Variants in ADGRG1 observed in about 807,000 individuals in gnomAD.
The protein encoded by ADGRG1 is adhesion G protein-coupled receptor G1, also known as 7-transmembrane protein with no EGF-like N-terminal domains-1.
In ADGRG1, 53 loss-of-function variants were observed where a neutral mutation model predicts 73.5. The ratio of observed to expected loss-of-function variants is 0.72; its 90% confidence interval spans 0.58 to 0.91. The LOEUF (loss-of-function observed/expected upper bound fraction) is 0.91. ADGRG1 is among the 40% of genes least tolerant of loss of function. ADGRG1 has a pLI of 0.00. For missense variants in ADGRG1, 795 were observed against 871.8 expected (o/e 0.91, Z 1.11); for synonymous variants, 394 against 374.4 (o/e 1.05, Z -0.60).
chr16:57,650,344 G>T lies in ADGRG1; in HGVS notation c.57G>T (p.Leu19=). The T allele has an allele frequency of 1.2e-6, 2 of 1,612,468 alleles. No individual in the cohort carries two copies. The highest frequency in any genetic ancestry group is 1.7e-6 in the Non-Finnish European group (2 of 1,178,504). ...TTLFLLSLLF[L]VQGAHGRGHR... is the part of the protein sequence containing the mutation. The stretch of plus-strand genomic sequence containing the variant: ...TGTTCCTGCTGAGTCTGCTCTTCCT[G>T]GTCCAAGGCAGGTCTTCCCAGGGGT... The change falls in exon 2 of 14, where the codon CTG becomes CTT. Residue 19 remains leucine (L), a synonymous_variant. Coordinates refer to ENST00000562631, the MANE Select transcript of ADGRG1 (RefSeq NM_201525.4).
chr16:57,636,689 C>A (rs2039455679), intron 1 of ADGRG1: 1 of 985,112 alleles, frequency 1.0e-6, no homozygotes, highest in East Asian at 1.1e-4. Context: ...CCTGCCTGCC[C>A]TGGGTTAGAG....
upstream of ADGRG1, among the ~76,000 whole-genome samples, chr16:57,624,454 T>C (rs1027715541): frequency 1.3e-5 from 2 of 152,122 alleles, no homozygotes; most frequent in South Asian, 2.1e-4. Flanking sequence ...AGAGCTATGA[T>C]TGCATCACTA....
intron 1 of ADGRG1, chr16:57,639,583 A>G: frequency 2.0e-6 from 2 of 985,396 alleles, no homozygotes; most frequent in South Asian, 4.7e-5. Context: ...CCAGCCCCGC[A>G]GGCTACTGCC....
upstream of ADGRG1, chr16:57,620,755 CAGG>C (rs1263358680): frequency 6.6e-6 from 1 of 152,386 alleles, no homozygotes; most frequent in Non-Finnish European, 1.5e-5. Flanking sequence ...CTGCAAGAGG[CAGG>C]AGGAGAACTT....
At chr16:57,646,505 G>A (rs951032741) in intron 1 of ADGRG1, 8 of 985,342 alleles carry the variant, frequency 8.1e-6, no homozygotes, top group Non-Finnish European at 9.6e-6. Flanking sequence ...AAGGTCTGAG[G>A]TCAAGGGCGG....
intron 6 of ADGRG1, 77 bp downstream of exon 6, chr16:57,655,607 T>C: frequency 6.2e-7 from 1 of 1,606,102 alleles, no homozygotes; most frequent in Non-Finnish European, 8.5e-7. Flanking sequence ...GGCACGCAGA[T>C]GAGCTCCTTC....
In ADGRG1 at chr16:57,663,628, G is replaced by A. The variant is rs201611287; in HGVS notation, c.*46G>A. The A allele has an allele frequency of 3.9e-4, 621 of 1,597,006 alleles. No individual in the cohort carries two copies. In the African/African-American group the frequency reaches 7.0e-3, roughly 18 times the overall value. The stretch of plus-strand genomic sequence containing the variant: ...TGTGATGAAGCAGAGATTCGGCCTC[G>A]TCGCACACTGCCTGTGGCCCCCGAG... On this transcript the variant is annotated 3_prime_UTR_variant, in exon 14 of 14. Coordinates refer to ENST00000562631, the MANE Select transcript of ADGRG1 (RefSeq NM_201525.4).
intron 1 of ADGRG1, chr16:57,644,077 C>A (rs1160320696): frequency 2.0e-6 from 2 of 985,244 alleles, no homozygotes; most frequent in African/African-American, 3.5e-5. Context: ...GGAGGAAACA[C>A]CTGCAAGAGC....
chr16:57,651,911 T>G (rs1010959110), intron 3 of ADGRG1: 5 of 1,383,062 alleles, frequency 3.6e-6, no homozygotes, highest in Non-Finnish European at 4.7e-6. Flanking sequence ...GCAGAGAAGG[T>G]CTTGGTGAAG....
intron 3 of ADGRG1, chr16:57,651,998 T>G (rs1366787253): frequency 1.6e-6 from 2 of 1,212,476 alleles, no homozygotes; most frequent in East Asian, 9.9e-5. Flanking sequence ...GAAGAATTCT[T>G]CCTCAGCATC....
Position 57,655,832 on chromosome 16 carries a change from C to T in ADGRG1, c.901-44C>T, listed in dbSNP as rs757468823. On this transcript the variant is annotated intron_variant, in intron 6 of 13. Transcript: ENST00000562631. ...GGCTTCTGGGCCCTTCTTCTCAGTC[C>T]TGAACTCCCTCCCTACTCTCTTCCT... 3 of 1,613,802 alleles carry T rather than the reference C, an allele frequency of 1.9e-6. No homozygotes were observed. The African/African-American group carries it at 4.0e-5, about 22-fold the overall frequency.
intron 1 of ADGRG1, chr16:57,629,926 G>C: frequency 1.3e-6 from 1 of 777,850 alleles, no homozygotes; most frequent in Non-Finnish European, 1.6e-6. Flanking sequence ...ATTTTACTGC[G>C]TAGGGAGGAG....
chr16:57,625,435 G>T (rs551622614), upstream of ADGRG1: 11 of 227,860 alleles, frequency 4.8e-5, no homozygotes, highest in East Asian at 5.5e-4. Context: ...GTCGGGTTGT[G>T]GGGGGTGGGG....
At chr16:57,622,770 G>T, upstream of ADGRG1, 1 of 985,288 alleles carries the variant, frequency 1.0e-6, no homozygotes, top group Non-Finnish European at 1.2e-6. Context: ...TTAGGAAGAC[G>T]GGGCGGCCAC....
intron 1 of ADGRG1, chr16:57,644,970 G>A (rs1431461421): frequency 1.6e-6 from 1 of 629,526 alleles, no homozygotes; most frequent in South Asian, 7.1e-5. Context: ...ACTCATGCAT[G>A]GGCACACACC....
At chr16:57,628,380 C>A, upstream of ADGRG1, 2 of 410,230 alleles carry the variant, frequency 4.9e-6, no homozygotes, top group Non-Finnish European at 6.6e-6. Flanking sequence ...CCCTTCCTGT[C>A]CCTGAACACT....
chr16:57,628,247 G>A, upstream of ADGRG1: 3 of 905,836 alleles, frequency 3.3e-6, no homozygotes, highest in Non-Finnish European at 2.6e-6. Flanking sequence ...TGACCTGGGG[G>A]GTGGGCGGAC....
In ADGRG1 at chr16:57,639,779, C is replaced by T. The variant is rs182075008; in HGVS notation, c.-35-10474C>T. The T allele has an allele frequency of 3.4e-4, 272 of 793,796 alleles. No individual in the cohort carries two copies. In the African/African-American group the frequency reaches 4.7e-3, roughly 14 times the overall value. The allele number at this position is 793,796 out of a possible 1,614,324, so 49.2% of individuals were successfully genotyped here. A position where few individuals can be genotyped will look rare whatever the true frequency, so the allele number is the denominator to read the frequency against. ...TTCCTCCTTCACTCCCCTTCCCCTC[C>T]AGCTCGCCTCCTTCCTCCCCATCCC... On this transcript the variant is annotated intron_variant, in intron 1 of 13. Transcript: ENST00000562631.
chr16:57,642,481 C>T (rs1374491229), intron 1 of ADGRG1: 11 of 984,946 alleles, frequency 1.1e-5, no homozygotes, highest in Non-Finnish European at 1.2e-5. Context: ...TTTCTGAGAG[C>T]TTTTTTCCAT....
Sources: gnomAD v4.1 joint callset for allele counts (sites outside exome capture counted in the v4.1 genomes callset) on GRCh38, gnomAD v4.1.1 for gene constraint, MANE v1.5 for transcripts, NCBI Gene and HGNC (gene_info 2026-07-23, HGNC 2026-07-21) for gene names.